Variants in CSMD1 observed in about 807,000 individuals in gnomAD.
The protein encoded by CSMD1 is CUB and sushi domain-containing protein 1.
A neutral mutation model predicts 417.5 loss-of-function variants in CSMD1; 213 were observed. That is an observed-to-expected ratio of 0.51 (90% CI 0.46 to 0.57). The LOEUF is 0.57. Ranked by LOEUF, CSMD1 falls within the 20% of genes least tolerant of loss-of-function variation. CSMD1 has a pLI of 0.00. For synonymous variants in CSMD1, 2,862 were observed against 1,736.8 expected (o/e 1.65, Z -16.11); for missense variants, 6,923 against 4,529.7 (o/e 1.53, Z -15.17).
intron 1 of CSMD1, among the ~76,000 whole-genome samples, chr8:4,785,870 C>G (rs1354125982): frequency 6.6e-6 from 1 of 152,100 alleles, no homozygotes; most frequent in African/African-American, 2.4e-5. Context: ...TCCTAAGACA[C>G]AACGGGGCCT....
intron 3 of CSMD1, among the ~76,000 whole-genome samples, chr8:4,147,742 C>T (rs1457558655): frequency 6.6e-6 from 1 of 152,128 alleles, no homozygotes; most frequent in Non-Finnish European, 1.5e-5. Flanking sequence ...CCTAGGTTAA[C>T]AACCCCCGGC....
In CSMD1 at chr8:4,438,575, G is replaced by A. The variant is rs1270494081; in HGVS notation, c.303-18510C>T. On this transcript the variant is annotated intron_variant, in intron 2 of 69. Coordinates refer to ENST00000635120, the MANE Select transcript of CSMD1 (RefSeq NM_033225.6). ...ATCTCTAAGCTGACGGGAGTGTGGG[G>A]AGCCCTGCACAGTCACATTGTGCTG... 3.3e-5 allele frequency among the ~76,000 whole-genome samples: 5 copies of A among 152,166 alleles called. No homozygotes were observed. The East Asian group carries it at 9.7e-4, about 29-fold the overall frequency.
intron 18 of CSMD1, among the ~76,000 whole-genome samples, chr8:3,374,243 G>A (rs572873908): frequency 6.6e-6 from 1 of 152,204 alleles, no homozygotes; most frequent in South Asian, 2.1e-4. Flanking sequence ...ACAGGCGTGA[G>A]CCACCATGTC....
rs1286617372 is a variant in CSMD1, at chr8:4,177,532, A to G, written c.416-145433T>C. Reference sequence around the variant, plus strand: ...CACAATTAAAAGAACTAGAAAAACAAGAGCAAACACATTCAAAGCTAGCAG... The same window carrying G: ...CACAATTAAAAGAACTAGAAAAACAGGAGCAAACACATTCAAAGCTAGCAG... On this transcript the variant is annotated intron_variant, in intron 3 of 69. Coordinates refer to ENST00000635120, the MANE Select transcript of CSMD1 (RefSeq NM_033225.6). Among the ~76,000 whole-genome samples, 4 of 152,296 alleles carry G rather than the reference A, an allele frequency of 2.6e-5. No homozygotes were observed. In the East Asian group the frequency reaches 7.7e-4, roughly 29 times the overall value.
At chr8:3,370,096 T>C (rs1360804170) in intron 18 of CSMD1, among the ~76,000 whole-genome samples, 2 of 152,230 alleles carry the variant, frequency 1.3e-5, no homozygotes, top group African/African-American at 4.8e-5. Flanking sequence ...CAAAACGTTA[T>C]CTACTGAGAG....
chr8:4,606,002 G>C (rs73504852), intron 2 of CSMD1, among the ~76,000 whole-genome samples: 12,686 of 152,150 alleles, frequency 0.083, 1,239 homozygotes, highest in African/African-American at 0.24. Context: ...ATGAAATATG[G>C]AGCCCAGACA....
At chr8:4,213,880 G>C (rs965376044) in intron 3 of CSMD1, among the ~76,000 whole-genome samples, 4 of 152,172 alleles carry the variant, frequency 2.6e-5, no homozygotes, top group Admixed American at 6.5e-5. Flanking sequence ...GTGAAGGTGA[G>C]GTCCTACAGA....
chr8:4,510,389 C>CAAAAAAAAAAAAAAAAAAAAAA (rs1563243981), intron 2 of CSMD1, among the ~76,000 whole-genome samples: 1 of 10,960 alleles, frequency 9.1e-5, no homozygotes, highest in African/African-American at 4.1e-4. Flanking sequence ...AGCATAATGC[C>CAAAAAAAAAAAAAAAAAAAAAA]TAAAAAAAAA....
At chr8:4,921,012 AAAAG>A (rs138072654) in intron 1 of CSMD1, among the ~76,000 whole-genome samples, 3 of 9,970 alleles carry the variant, frequency 3.0e-4, no homozygotes, top group East Asian at 1.8e-3. Flanking sequence ...AGAAAGAAAG[AAAAG>A]AAAGAAAGGA....
At position 3,790,882 on chromosome 8, in the gene CSMD1, G is replaced by A. The variant is rs117057653; in HGVS notation, c.819-36840C>T. On this transcript the variant is annotated intron_variant, in intron 5 of 69. Transcript: ENST00000635120. Reference sequence around the variant, plus strand: ...GCAGCTACTTTTTGAGATGGAAACTGTCGCTAATGAATGGATGTGTCAAAA... The same window carrying A: ...GCAGCTACTTTTTGAGATGGAAACTATCGCTAATGAATGGATGTGTCAAAA... Among the ~76,000 whole-genome samples the A allele has an allele frequency of 5.5e-3, 834 of 152,256 alleles. 3 individuals are homozygous for A. The highest frequency in any genetic ancestry group is 7.9e-3 in the Non-Finnish European group (536 of 68,016).
chr8:4,445,600 T>C (rs1363510266), intron 2 of CSMD1, among the ~76,000 whole-genome samples: 1 of 152,172 alleles, frequency 6.6e-6, no homozygotes, highest in Non-Finnish European at 1.5e-5. Flanking sequence ...AAGAAAGAAC[T>C]GTGTGTTCAG....
chr8:3,400,174 T>G (rs12543159), intron 15 of CSMD1, among the ~76,000 whole-genome samples: 2 of 151,932 alleles, frequency 1.3e-5, no homozygotes, highest in African/African-American at 4.8e-5. Context: ...GTGAAAGTGA[T>G]TATGCATACC....
At chr8:3,201,363 C>T (rs1360722599) in intron 32 of CSMD1, among the ~76,000 whole-genome samples, 1 of 152,024 alleles carries the variant, frequency 6.6e-6, no homozygotes, top group Admixed American at 6.6e-5. Context: ...GATCTTTGCA[C>T]CTTTTACTGA....
At chr8:3,792,435 C>T (rs1799805033) in intron 5 of CSMD1, among the ~76,000 whole-genome samples, 1 of 152,156 alleles carries the variant, frequency 6.6e-6, no homozygotes, top group Non-Finnish European at 1.5e-5. Flanking sequence ...AAAACAAAGG[C>T]AAAACTGAAC....
intron 2 of CSMD1, among the ~76,000 whole-genome samples, chr8:4,541,816 A>C (rs1797402048): frequency 6.6e-6 from 1 of 152,140 alleles, no homozygotes; most frequent in Non-Finnish European, 1.5e-5. Context: ...TAATAAGTGG[A>C]ATTCTCAATA....
At chr8:4,151,311 C>T (rs147367568) in intron 3 of CSMD1, among the ~76,000 whole-genome samples, 1 of 152,054 alleles carries the variant, frequency 6.6e-6, no homozygotes, top group Non-Finnish European at 1.5e-5. Flanking sequence ...GTTATAGATC[C>T]TAAGATCAAT....
chr8:3,048,126 C>G (rs1811576864), intron 50 of CSMD1, among the ~76,000 whole-genome samples: 1 of 152,042 alleles, frequency 6.6e-6, no homozygotes, highest in Non-Finnish European at 1.5e-5. Flanking sequence ...TCAGGTAAAA[C>G]AATTTCTATT....
chr8:3,245,918 T>A (rs76072531), intron 26 of CSMD1, among the ~76,000 whole-genome samples: 5,700 of 152,312 alleles, frequency 0.037, 171 homozygotes, highest in South Asian at 0.094. Flanking sequence ...CGCATTCTAC[T>A]TGAAAGCCTA....
chr8:3,925,338 G>A (rs1809576192), intron 5 of CSMD1, among the ~76,000 whole-genome samples: 1 of 152,150 alleles, frequency 6.6e-6, no homozygotes, highest in South Asian at 2.1e-4. Flanking sequence ...TATATTATAT[G>A]CTATCCTATT....
Sources: gnomAD v4.1 joint callset for allele counts (sites outside exome capture counted in the v4.1 genomes callset) on GRCh38, gnomAD v4.1.1 for gene constraint, MANE v1.5 for transcripts, NCBI Gene and HGNC (gene_info 2026-07-23, HGNC 2026-07-21) for gene names.